The following CSGALNACT1 variants were observed in gnomAD, a reference collection of about 807,000 sequenced individuals.
The protein encoded by CSGALNACT1 is beta4GalNAcT-1.
A neutral mutation model predicts 51.0 loss-of-function variants in CSGALNACT1; 52 were observed. The observed-to-expected ratio is 1.02, with a 90% CI of 0.82 to 1.29. The LOEUF (loss-of-function observed/expected upper bound fraction) is 1.29. Among genes scored for constraint, CSGALNACT1 ranks in the 50% most tolerant of loss-of-function variants. The pLI is 0.00. For synonymous variants in CSGALNACT1, 341 were observed against 254.4 expected, an observed-to-expected ratio of 1.34 and a Z score of -3.24; for missense variants, 935 against 679.2, an observed-to-expected ratio of 1.38 and a Z score of -4.19.
intron 3 of CSGALNACT1, among the ~76,000 whole-genome samples, chr8:19,547,707 C>T (rs1248654115): frequency 6.6e-6 from 1 of 152,070 alleles, no homozygotes; most frequent in Non-Finnish European, 1.5e-5. Context: ...CCGTAGAATA[C>T]AATAAAGTAT....
Position 19,459,382 on chromosome 8 carries a change from CAAAAAA to C in CSGALNACT1, c.635-746_635-741del, listed in dbSNP as rs377411028. On this transcript the variant is annotated intron_variant, in intron 4 of 9. Coordinates refer to ENST00000454498, the Ensembl canonical transcript of CSGALNACT1. Reference sequence around the variant, plus strand: ...TGGGCAACAGAGCGAAACTTTATCTCAAAAAAAAAAAAAAAAAAAAAAAAAGGAAAG... The same window carrying C: ...TGGGCAACAGAGCGAAACTTTATCTCAAAAAAAAAAAAAAAAAAAGGAAAG... 8.7e-5 allele frequency among the ~76,000 whole-genome samples: 6 copies of C among 69,190 alleles called. No homozygotes were observed. In the East Asian group the frequency reaches 1.8e-3, roughly 20 times the overall value. 45.4% of individuals were successfully genotyped at this position (69,190 alleles called of 152,430 possible). A position where few individuals can be genotyped will look rare whatever the true frequency, so the allele number is the denominator to read the frequency against.
chr8:19,490,428 A>G (rs2074103875), intron 4 of CSGALNACT1, among the ~76,000 whole-genome samples: 1 of 152,206 alleles, frequency 6.6e-6, no homozygotes, highest in Non-Finnish European at 1.5e-5. Context: ...TTGTCCTTGA[A>G]AACTCCTATT....
chr8:19,512,921 A>G (rs1472393342), intron 3 of CSGALNACT1, among the ~76,000 whole-genome samples: 1 of 152,194 alleles, frequency 6.6e-6, no homozygotes, highest in African/African-American at 2.4e-5. Flanking sequence ...TGACTATTAC[A>G]GCACACGGGC....
chr8:19,727,231 T>C (rs1268874102), intron 1 of CSGALNACT1, among the ~76,000 whole-genome samples: 2 of 152,126 alleles, frequency 1.3e-5, no homozygotes, highest in Non-Finnish European at 2.9e-5. Context: ...AGAAAAAAAA[T>C]GTCCAGTGGA....
intron 1 of CSGALNACT1, among the ~76,000 whole-genome samples, chr8:19,668,972 G>C (rs1589402891): frequency 6.6e-6 from 1 of 152,194 alleles, no homozygotes; most frequent in African/African-American, 2.4e-5. Flanking sequence ...AGTGATCAAA[G>C]TATTCATTTC....
intron 3 of CSGALNACT1, among the ~76,000 whole-genome samples, chr8:19,513,305 A>G (rs1273247767): frequency 6.6e-6 from 1 of 151,778 alleles, no homozygotes; most frequent in Non-Finnish European, 1.5e-5. Context: ...AAAGGAAAAT[A>G]CCGCAAAATG....
At chr8:19,516,639 C>A (rs750581849) in intron 3 of CSGALNACT1, among the ~76,000 whole-genome samples, 3 of 152,238 alleles carry the variant, frequency 2.0e-5, no homozygotes, top group Non-Finnish European at 4.4e-5. Context: ...TCTGTCCCTG[C>A]AACTAGGGCC....
intron 4 of CSGALNACT1, among the ~76,000 whole-genome samples, chr8:19,482,439 G>A (rs2071670177): frequency 6.6e-6 from 1 of 152,050 alleles, no homozygotes; most frequent in Admixed American, 6.6e-5. Context: ...CACTGATGAT[G>A]TTCTCTCCCC....
At chr8:19,666,057 G>C (rs1307158020) in intron 1 of CSGALNACT1, among the ~76,000 whole-genome samples, 1 of 152,036 alleles carries the variant, frequency 6.6e-6, no homozygotes, top group African/African-American at 2.4e-5. Flanking sequence ...TAATCTTTTT[G>C]GAGTTATTTC....
At position 19,439,858 on chromosome 8, in the gene CSGALNACT1, CTTCAT is replaced by C. The variant is rs1450539393; in HGVS notation, c.920_924del (p.Asn307SerfsTer6). The C allele has an allele frequency of 6.2e-7, 1 of 1,613,944 alleles. No homozygotes were observed. The highest frequency in any genetic ancestry group is 2.2e-5 in the East Asian group (1 of 44,890). On this transcript the variant is annotated frameshift_variant, in exon 6 of 10. Coordinates refer to ENST00000454498, the Ensembl canonical transcript of CSGALNACT1. LOFTEE classifies it high-confidence loss of function. ...GAAGTGTTTTCAAGTATTCCTTTGA[CTTCAT>C]TTATTTCTTCTTTCCCAAAGTAAAC...
At chr8:19,652,159 C>T (rs1425739615) in intron 1 of CSGALNACT1, among the ~76,000 whole-genome samples, 1 of 151,778 alleles carries the variant, frequency 6.6e-6, no homozygotes, top group Non-Finnish European at 1.5e-5. Context: ...CCATGTTGCC[C>T]AGGCTGCTCT....
intron 3 of CSGALNACT1, among the ~76,000 whole-genome samples, chr8:19,576,690 T>C (rs1173247671): frequency 1.3e-5 from 2 of 151,958 alleles, no homozygotes; most frequent in African/African-American, 2.4e-5. Context: ...GGCAGCCCCA[T>C]GCTACCCTGC....
chr8:19,718,087 C>G (rs895394493), intron 1 of CSGALNACT1, among the ~76,000 whole-genome samples: 26 of 152,088 alleles, frequency 1.7e-4, no homozygotes, highest in Non-Finnish European at 3.1e-4. Context: ...CTAAAAGGTC[C>G]AAAGCATAAC....
Position 19,541,553 on chromosome 8 carries a change from A to ATTTTTTTTTTTTTTTTTTTTT in CSGALNACT1, c.-296-35444_-296-35424dup, listed in dbSNP as rs1159626193. Among the ~76,000 whole-genome samples the ATTTTTTTTTTTTTTTTTTTTT allele has an allele frequency of 4.4e-4, 31 of 70,094 alleles. 5 individuals carry two copies. The highest frequency in any genetic ancestry group is 6.2e-4 in the Non-Finnish European group (25 of 40,014). The allele number at this position is 70,094 out of a possible 152,430, so 46.0% of individuals were successfully genotyped here. A position where few individuals can be genotyped will look rare whatever the true frequency, so the allele number is the denominator to read the frequency against. On this transcript the variant is annotated intron_variant, in intron 3 of 9. Transcript: ENST00000454498. ...AGGTGTGAGCCACCGTGCTCAGCCA[A>ATTTTTTTTTTTTTTTTTTTTT]TTTTTTTTTTTTTTTTTTTTTTTTT...
At chr8:19,580,594 A>T (rs1323891599) in intron 3 of CSGALNACT1, among the ~76,000 whole-genome samples, 1 of 152,248 alleles carries the variant, frequency 6.6e-6, no homozygotes, top group African/African-American at 2.4e-5. Flanking sequence ...ATAGAACAGC[A>T]TCCAGAGAGC....
At chr8:19,419,807 C>T (rs1585567530) in intron 7 of CSGALNACT1, among the ~76,000 whole-genome samples, 1 of 152,114 alleles carries the variant, frequency 6.6e-6, no homozygotes, top group East Asian at 1.9e-4. Flanking sequence ...CATGATGTGG[C>T]CTCAAAGGAG....
chr8:19,709,196 G>A (rs1413052377), intron 1 of CSGALNACT1, among the ~76,000 whole-genome samples: 3 of 152,154 alleles, frequency 2.0e-5, no homozygotes, highest in Non-Finnish European at 4.4e-5. Flanking sequence ...CAGCTATGCT[G>A]GAAAGAAGCT....
intron 1 of CSGALNACT1, among the ~76,000 whole-genome samples, chr8:19,662,410 C>T (rs896408399): frequency 6.6e-6 from 1 of 152,036 alleles, no homozygotes; most frequent in Admixed American, 6.5e-5. Context: ...ATCTGAAATC[C>T]AGCAACCAAA....
intron 4 of CSGALNACT1, among the ~76,000 whole-genome samples, chr8:19,474,795 A>T (rs1382367893): frequency 7.0e-6 from 1 of 143,634 alleles, no homozygotes; most frequent in East Asian, 2.3e-4. Flanking sequence ...TGAACCTGGG[A>T]GGCGGAGGTT....
Sources: gnomAD v4.1 joint callset for allele counts (sites outside exome capture counted in the v4.1 genomes callset) on GRCh38, gnomAD v4.1.1 for gene constraint, MANE v1.5 for transcripts, NCBI Gene and HGNC (gene_info 2026-07-23, HGNC 2026-07-21) for gene names.